Variants in BSND observed in about 807,000 individuals in gnomAD.
The protein encoded by BSND is barttin.
A neutral mutation model predicts 18.8 loss-of-function variants in BSND; 13 were observed. The ratio of observed to expected loss-of-function variants is 0.69; its 90% confidence interval spans 0.45 to 1.10. The LOEUF (loss-of-function observed/expected upper bound fraction) is 1.10. Among genes scored for constraint, BSND ranks in the 50% least tolerant of loss-of-function variants. The pLI is 0.00. For missense variants in BSND, 379 were observed against 416.7 expected, an observed-to-expected ratio of 0.91 and a Z score of 0.79; for synonymous variants, 170 against 161.8, an observed-to-expected ratio of 1.05 and a Z score of -0.39.
chr1:55,004,122 T>C (rs1644377166), intron 1 of BSND, among the ~76,000 whole-genome samples: 1 of 152,242 alleles, frequency 6.6e-6, no homozygotes, highest in South Asian at 2.1e-4. Flanking sequence ...CTGCTCAGCA[T>C]AATGTCCTCG....
At position 55,007,156 on chromosome 1, in the gene BSND, T is replaced by C. The variant is rs762620750; in HGVS notation, c.432T>C (p.Ser144=). The change falls in exon 3 of 4, where the codon AGT becomes AGC. Residue 144 remains serine (S), a synonymous_variant. Transcript: ENST00000651561. ...PEMGQPKLGT[S]DGGEGGPGDV... ...TGGGGCAGCCGAAGCTGGGAACCAGTGATGGAGGAGAAGGTGGCCCTGGCG... is the reference window on the plus strand; with the variant it reads ...TGGGGCAGCCGAAGCTGGGAACCAGCGATGGAGGAGAAGGTGGCCCTGGCG... 16 of 1,613,814 alleles carry C rather than the reference T, an allele frequency of 9.9e-6. No individual in the cohort carries two copies. Among genetic ancestry groups the C allele is most frequent in the Non-Finnish European group, 1.4e-5 (16 of 1,179,952 alleles).
chr1:55,008,846 G>T lies in BSND; in HGVS notation c.*218G>T. ...AGTGGTCTTTGGCCAACCTTTGAAG[G>T]CAAAATATGATTTGTTGAGGTTTGC... On this transcript the variant is annotated 3_prime_UTR_variant, in exon 4 of 4. Coordinates refer to ENST00000651561, the MANE Select transcript of BSND (RefSeq NM_057176.3). 1 of 685,090 alleles carries T rather than the reference G, an allele frequency of 1.5e-6. No individual in the cohort carries two copies. The highest frequency in any genetic ancestry group is 2.4e-6 in the Non-Finnish European group (1 of 412,032). The allele number at this position is 685,090 out of a possible 1,614,324, so 42.4% of individuals were successfully genotyped here.
chr1:55,016,868 T>C lies in BSND; in HGVS notation c.*8240T>C, dbSNP rs1644454069. Among the ~76,000 whole-genome samples, 1 of 152,238 alleles carries C rather than the reference T, an allele frequency of 6.6e-6. No homozygotes were observed. Among genetic ancestry groups the C allele is most frequent in the South Asian group, 2.1e-4 (1 of 4,828 alleles). On this transcript the variant is annotated 3_prime_UTR_variant, in exon 4 of 4. Transcript: ENST00000651561. ...ATCTCAATGTTCAGCAACAGGAGAC[T>C]GGCTAAGACATCATGCCACAGCTAT... is the stretch of plus-strand genomic sequence containing the variant.
In BSND at chr1:55,007,137, AGCCGAAGCT is replaced by A. The variant is rs1247583349; in HGVS notation, c.415_423del (p.Pro139_Leu141del). ...TCCTTGCTGGCCCCTGAGATGGGGC[AGCCGAAGCT>A]GGGAACCAGTGATGGAGGAGAAGGT... On this transcript the variant is annotated inframe_deletion, in exon 3 of 4. Transcript: ENST00000651561. The A allele has an allele frequency of 3.7e-6, 6 of 1,614,096 alleles. No individual in the cohort carries two copies. Among genetic ancestry groups the A allele is most frequent in the Non-Finnish European group, 4.2e-6 (5 of 1,180,052 alleles).
chr1:55,002,353 G>GA (rs542379159), intron 1 of BSND, among the ~76,000 whole-genome samples: 14 of 152,206 alleles, frequency 9.2e-5, no homozygotes, highest in Non-Finnish European at 1.9e-4. Flanking sequence ...CATTAGTGAA[G>GA]ATGGGGCAGG....
chr1:55,012,460 T>C lies in BSND; in HGVS notation c.*3832T>C, dbSNP rs927201667. On this transcript the variant is annotated 3_prime_UTR_variant, in exon 4 of 4. Coordinates refer to ENST00000651561, the MANE Select transcript of BSND (RefSeq NM_057176.3). ...TCCTTGCTGTGTGGCCTTGGACAAG[T>C]CACAGCCCCTCTCAGAGCCTCAATG... is the stretch of plus-strand genomic sequence containing the variant. 1.3e-5 allele frequency among the ~76,000 whole-genome samples: 2 copies of C among 152,202 alleles called. No homozygotes were observed. Among genetic ancestry groups the C allele is most frequent in the African/African-American group, 4.8e-5 (2 of 41,450 alleles).
chr1:55,003,308 A>G (rs972134525), intron 1 of BSND, among the ~76,000 whole-genome samples: 60 of 152,094 alleles, frequency 3.9e-4, no homozygotes, highest in African/African-American at 1.4e-3. Context: ...GCAGCCTCGA[A>G]CTCCTGGGAT....
rs772655488 is a variant in BSND at position 55,016,511 on chromosome 1, T to C, written c.*7883T>C. ...TGTGAATGGGAGTGGTGGCAGCTTT[T>C]CTGTGAGTGCCTTCACAGGGGGCTG... is the stretch of plus-strand genomic sequence containing the variant. On this transcript the variant is annotated 3_prime_UTR_variant, in exon 4 of 4. Coordinates refer to ENST00000651561, the MANE Select transcript of BSND (RefSeq NM_057176.3). 5.3e-5 allele frequency among the ~76,000 whole-genome samples: 8 copies of C among 152,260 alleles called. No homozygotes were observed. The highest frequency in any genetic ancestry group is 1.0e-4 in the Non-Finnish European group (7 of 68,046).
At chr1:55,001,507 A>G (rs1223880959) in intron 1 of BSND, among the ~76,000 whole-genome samples, 1 of 152,160 alleles carries the variant, frequency 6.6e-6, no homozygotes, top group South Asian at 2.1e-4. Flanking sequence ...GCCTGGGCCA[A>G]CGCTGCCTGC....
At position 55,017,065 on chromosome 1, in the gene BSND, C is replaced by T. The variant is rs908398999; in HGVS notation, c.*8437C>T. ...ATGAATTTCTATCTCCTTCATTGGA[C>T]GCTAAGCTCTGTGAAGGCAAGGACT... On this transcript the variant is annotated 3_prime_UTR_variant, in exon 4 of 4. Coordinates refer to ENST00000651561, the MANE Select transcript of BSND (RefSeq NM_057176.3). Among the ~76,000 whole-genome samples the T allele has an allele frequency of 3.3e-5, 5 of 152,154 alleles. No individual in the cohort carries two copies. Among genetic ancestry groups the T allele is most frequent in the East Asian group, 3.8e-4 (2 of 5,200 alleles).
rs926672790 is a variant in BSND at position 55,012,073 on chromosome 1, G to T, written c.*3445G>T. Among the ~76,000 whole-genome samples, 1 of 152,186 alleles carries T rather than the reference G, an allele frequency of 6.6e-6. No individual in the cohort carries two copies. Among genetic ancestry groups the T allele is most frequent in the Non-Finnish European group, 1.5e-5 (1 of 68,014 alleles). ...GTTTCCACCCTCTGGAGAGGGAAAGGCCCTGGAGGGATGGCCCCTGCCCTT... is the reference window on the plus strand; with the variant it reads ...GTTTCCACCCTCTGGAGAGGGAAAGTCCCTGGAGGGATGGCCCCTGCCCTT... On this transcript the variant is annotated 3_prime_UTR_variant, in exon 4 of 4. Coordinates refer to ENST00000651561, the MANE Select transcript of BSND (RefSeq NM_057176.3).
In BSND at chr1:55,015,816, G is replaced by A. The variant is rs1003440451; in HGVS notation, c.*7188G>A. ...GTCAGTGCTGAGCAGAGGGAAGCAC[G>A]GCGGGGATCTGACCCCACCTGGAGA... On this transcript the variant is annotated 3_prime_UTR_variant, in exon 4 of 4. Transcript: ENST00000651561. Among the ~76,000 whole-genome samples, 1 of 152,154 alleles carries A rather than the reference G, an allele frequency of 6.6e-6. No homozygotes were observed. Among genetic ancestry groups the A allele is most frequent in the Non-Finnish European group, 1.5e-5 (1 of 68,024 alleles).
chr1:55,007,094 T>C lies in BSND; in HGVS notation c.370T>C (p.Tyr124His). The C allele has an allele frequency of 1.9e-6, 3 of 1,614,136 alleles. No individual in the cohort carries two copies. The highest frequency in any genetic ancestry group is 1.3e-5 in the African/African-American group (1 of 75,022). ...CCACATCCAGATGAAAGTCATGAGC[T>C]ACAGTGAGGACCACCGCTCCTTGCT... is the stretch of plus-strand genomic sequence containing the variant. ...FSHIQMKVMS[Y>H]SEDHRSLLAP... Residue 124 changes from tyrosine to histidine, a missense_variant, in exon 3 of 4, where the codon TAC (tyrosine) becomes CAC (histidine). Physicochemically the swap from Tyr to His is moderately conservative, Grantham distance 83. Transcript: ENST00000651561.
At position 55,014,365 on chromosome 1, in the gene BSND, C is replaced by A. The variant is rs1442410146; in HGVS notation, c.*5737C>A. On this transcript the variant is annotated 3_prime_UTR_variant, in exon 4 of 4. Coordinates refer to ENST00000651561, the MANE Select transcript of BSND (RefSeq NM_057176.3). ...TGGCCAGGAGACTTAGCCTCTCTGG[C>A]CCTCAATTTCCTTATTAATAAATTG... 6.6e-6 allele frequency among the ~76,000 whole-genome samples: 1 copy of A among 152,180 alleles called. No homozygotes were observed. Among genetic ancestry groups the A allele is most frequent in the Non-Finnish European group, 1.5e-5 (1 of 68,022 alleles).
rs1644425366 is a variant in BSND, at chr1:55,012,157, G to A, written c.*3529G>A. ...CCCAGGGGCAGGGAACCTGGGCTCT[G>A]CCGACCGCTCGCCATGACCTTGGGT... is the stretch of plus-strand genomic sequence containing the variant. On this transcript the variant is annotated 3_prime_UTR_variant, in exon 4 of 4. Transcript: ENST00000651561. Among the ~76,000 whole-genome samples, 1 of 152,188 alleles carries A rather than the reference G, an allele frequency of 6.6e-6. No homozygotes were observed.
chr1:55,008,931 A>G lies in BSND; in HGVS notation c.*303A>G, dbSNP rs1033096391. The stretch of plus-strand genomic sequence containing the variant: ...CCCCCAAAGCTGACCTCTGAGAGGA[A>G]CCTTCCTTGGTGCTCCCTCTGGGCC... On this transcript the variant is annotated 3_prime_UTR_variant, in exon 4 of 4. Transcript: ENST00000651561. 6.6e-6 allele frequency: 3 copies of G among 455,544 alleles called. No homozygotes were observed. The highest frequency in any genetic ancestry group is 3.4e-5 in the Admixed American group (1 of 29,098). 28.2% of individuals were successfully genotyped at this position (455,544 alleles called of 1,614,324 possible).
At chr1:55,002,298 G>A (rs1014462568) in intron 1 of BSND, among the ~76,000 whole-genome samples, 31 of 152,328 alleles carry the variant, frequency 2.0e-4, no homozygotes, top group African/African-American at 7.5e-4. Context: ...GAGGAGAAGG[G>A]ATCAGGGCAA....
At position 55,007,040 on chromosome 1, in the gene BSND, G is replaced by C; in HGVS notation, c.316G>C (p.Ala106Pro). 6.2e-7 allele frequency: 1 copy of C among 1,614,168 alleles called. No individual in the cohort carries two copies. Among genetic ancestry groups the C allele is most frequent in the East Asian group, 2.2e-5 (1 of 44,874 alleles). Residue 106 changes from alanine to proline, a missense_variant, in exon 3 of 4, where the codon GCC (alanine) becomes CCC (proline). Coordinates refer to ENST00000651561, the MANE Select transcript of BSND (RefSeq NM_057176.3). ...CTATGTAAGGCTGTGGGAGGAAGCC[G>C]CCTATGACCAGAGCCTGCCTGACTT... ...PPYVRLWEEA[A>P]YDQSLPDFSH... is the part of the protein sequence containing the mutation.
Position 55,005,026 on chromosome 1 carries a change from C to T in BSND, c.182C>T (p.Thr61Ile), listed in dbSNP as rs1570272479. ...CTGTCTCTCCTTTGCTTGCAGATCA[C>T]CTTCGTCCCTGCTGACTCTGACTTT... ...WSMCQCYPKI[T>I]FVPADSDFQG... Residue 61 changes from threonine to isoleucine, a missense_variant, in exon 2 of 4, where the codon ACC (threonine) becomes ATC (isoleucine). Physicochemically the swap from Thr to Ile is moderately conservative, Grantham distance 89. Coordinates refer to ENST00000651561, the MANE Select transcript of BSND (RefSeq NM_057176.3). 3.7e-6 allele frequency: 6 copies of T among 1,614,192 alleles called. No homozygotes were observed. The East Asian group carries it at 1.3e-4, about 36-fold the overall frequency.
Sources: gnomAD v4.1 joint callset for allele counts (sites outside exome capture counted in the v4.1 genomes callset) on GRCh38, gnomAD v4.1.1 for gene constraint, MANE v1.5 for transcripts, NCBI Gene and HGNC (gene_info 2026-07-23, HGNC 2026-07-21) for gene names.